HAT1: variants seen among roughly 807,000 people sequenced by gnomAD.
HAT1 encodes histone acetyltransferase 1.
In HAT1, 20 loss-of-function variants were observed where a neutral mutation model predicts 56.6. That is an observed-to-expected ratio of 0.35 (90% CI 0.25 to 0.51). HAT1 has a LOEUF of 0.51. Among genes scored for constraint, HAT1 ranks in the 20% least tolerant of loss-of-function variants. HAT1 has a pLI of 0.95. For synonymous variants in HAT1, 146 were observed against 165.5 expected, an observed-to-expected ratio of 0.88 and a Z score of 0.91; for missense variants, 408 against 504.3, an observed-to-expected ratio of 0.81 and a Z score of 1.83.
At chr2:171,958,237 T>G (rs1687492441) in intron 4 of HAT1, among the ~76,000 whole-genome samples, 1 of 152,144 alleles carries the variant, frequency 6.6e-6, no homozygotes, top group Non-Finnish European at 1.5e-5. Flanking sequence ...GCATAATATA[T>G]AATAATATCC....
rs1254649586 is a variant in HAT1, at chr2:171,966,885, T to C, written c.759T>C (p.Gly253=). 1.9e-5 allele frequency: 31 copies of C among 1,595,658 alleles called. 1 individual carries two copies. In the Admixed American group the frequency reaches 5.0e-4, roughly 26 times the overall value. ...CTCCATTTCAAGGTCAAGGCCATGG[T>C]GCTCAACTTCTTGAAACAGTTCATA... The part of the protein sequence containing the change: ...ILTPFQGQGH[G]AQLLETVHRY... The change falls in exon 8 of 11, where the codon GGT becomes GGC. Residue 253 remains glycine (G), a synonymous_variant. Coordinates refer to ENST00000264108, the MANE Select transcript of HAT1 (RefSeq NM_003642.4).
At chr2:171,972,341 C>T (rs926730886) in intron 8 of HAT1, among the ~76,000 whole-genome samples, 8 of 150,526 alleles carry the variant, frequency 5.3e-5, no homozygotes, top group South Asian at 2.1e-4. Flanking sequence ...TAGCTTATTG[C>T]GCCTTGAACT....
chr2:171,957,045 G>C (rs1687464147), intron 4 of HAT1, among the ~76,000 whole-genome samples: 1 of 152,130 alleles, frequency 6.6e-6, no homozygotes, highest in African/African-American at 2.4e-5. Context: ...GGACCCTCTT[G>C]TCTAATGGTA....
Position 171,983,175 on chromosome 2 carries a change from T to C in HAT1, c.1093-10T>C. The C allele has an allele frequency of 6.7e-7, 1 of 1,503,086 alleles. No homozygotes were observed. Among genetic ancestry groups the C allele is most frequent in the Non-Finnish European group, 9.0e-7 (1 of 1,112,038 alleles). The allele number at this position is 1,503,086 out of a possible 1,614,324, so 93.1% of individuals were successfully genotyped here. ...TTTCTTCGTCTAACAAATAATTGTT[T>C]GTCACTTAGAAAAAGCAGAGAGATC... On this transcript the variant is annotated splice_polypyrimidine_tract_variant and intron_variant, in intron 10 of 10. Coordinates refer to ENST00000264108, the MANE Select transcript of HAT1 (RefSeq NM_003642.4).
At chr2:171,923,267 A>G (rs999868957) in intron 1 of HAT1, 2 of 152,064 alleles carry the variant, frequency 1.3e-5, no homozygotes, top group African/African-American at 2.4e-5. Flanking sequence ...TTTTGAAGTT[A>G]TGGACAGTTT....
chr2:171,959,443 C>G (rs555482707), intron 4 of HAT1, among the ~76,000 whole-genome samples: 1 of 152,158 alleles, frequency 6.6e-6, no homozygotes, highest in South Asian at 2.1e-4. Context: ...GTGAAAATAG[C>G]TGTGTATTTG....
rs1558980387 is a variant in HAT1, at chr2:171,976,144, T to A, written c.824-13T>A. On this transcript the variant is annotated splice_polypyrimidine_tract_variant and intron_variant, in intron 8 of 10. Coordinates refer to ENST00000264108, the MANE Select transcript of HAT1 (RefSeq NM_003642.4). The stretch of plus-strand genomic sequence containing the variant: ...CAGGGAAATGTTAATATTATTCTGC[T>A]TTATTTATTTAGCGGAAGATCCATC... 7.0e-7 allele frequency: 1 copy of A among 1,426,400 alleles called. No individual in the cohort carries two copies. The allele number at this position is 1,426,400 out of a possible 1,614,324, so 88.4% of individuals were successfully genotyped here.
chr2:171,923,006 G>C (rs1218677858), intron 1 of HAT1: 3 of 155,900 alleles, frequency 1.9e-5, no homozygotes, highest in African/African-American at 7.2e-5. Flanking sequence ...CTTGGATCTC[G>C]ACTGACTTCG....
intron 4 of HAT1, among the ~76,000 whole-genome samples, chr2:171,956,658 G>A (rs996056472): frequency 2.0e-5 from 3 of 152,230 alleles, no homozygotes; most frequent in African/African-American, 4.8e-5. Context: ...CTGCAGTTCT[G>A]TGGAAAGGAG....
At position 171,966,694 on chromosome 2, in the gene HAT1, G is replaced by A. The variant is rs1482705244; in HGVS notation, c.717-149G>A. The A allele has an allele frequency of 6.4e-6, 4 of 622,344 alleles. No homozygotes were observed. The Admixed American group carries it at 8.9e-5, about 14-fold the overall frequency. 38.6% of individuals were successfully genotyped at this position (622,344 alleles called of 1,614,324 possible). On this transcript the variant is annotated intron_variant, in intron 7 of 10. Coordinates refer to ENST00000264108, the MANE Select transcript of HAT1 (RefSeq NM_003642.4). Reference sequence around the variant, plus strand: ...CAGTGTAGAAGATTAAACTAATTTTGAGTATCTTGATAATTTTTGGGTATC... The same window carrying A: ...CAGTGTAGAAGATTAAACTAATTTTAAGTATCTTGATAATTTTTGGGTATC...
At chr2:171,979,487 G>C in intron 10 of HAT1, 124 bp downstream of exon 10, 1 of 617,942 alleles carries the variant, frequency 1.6e-6, no homozygotes, top group East Asian at 2.9e-5. Flanking sequence ...TACAAAAGTA[G>C]AAATATTCTT....
At chr2:171,979,521 C>T (rs1688079965) in intron 10 of HAT1, 158 bp downstream of exon 10, 1 of 542,586 alleles carries the variant, frequency 1.8e-6, no homozygotes, top group South Asian at 2.2e-5. Flanking sequence ...AAAATTCTCA[C>T]TCATGGCCGG....
chr2:171,929,607 A>C (rs954326602), intron 2 of HAT1, among the ~76,000 whole-genome samples: 1 of 152,208 alleles, frequency 6.6e-6, no homozygotes, highest in Non-Finnish European at 1.5e-5. Context: ...TAGCTTATTA[A>C]AATTATGTCC....
At chr2:171,951,176 T>C (rs1259114974) in intron 3 of HAT1, among the ~76,000 whole-genome samples, 1 of 152,236 alleles carries the variant, frequency 6.6e-6, no homozygotes, top group Non-Finnish European at 1.5e-5. Flanking sequence ...TTTTTCATTA[T>C]TGATGTATCA....
chr2:171,924,350 CCA>C (rs1307508965), intron 1 of HAT1: 1 of 152,098 alleles, frequency 6.6e-6, no homozygotes, highest in East Asian at 1.9e-4. Flanking sequence ...TCACGCGCCA[CCA>C]CGTCCAGCTA....
chr2:171,950,185 T>C (rs1177982119), intron 3 of HAT1, among the ~76,000 whole-genome samples: 2 of 152,170 alleles, frequency 1.3e-5, no homozygotes, highest in Non-Finnish European at 2.9e-5. Context: ...TGTTTGTTTT[T>C]TGAGACGGAG....
intron 2 of HAT1, among the ~76,000 whole-genome samples, chr2:171,942,410 A>G (rs1687040648): frequency 6.6e-6 from 1 of 152,020 alleles, no homozygotes; most frequent in African/African-American, 2.4e-5. Context: ...TTTTTTTATT[A>G]TGTATTCATT....
At chr2:171,967,008 T>A in intron 8 of HAT1, 59 bp downstream of exon 8, 1 of 764,966 alleles carries the variant, frequency 1.3e-6, no homozygotes, top group South Asian at 1.6e-5. Context: ...TCTTACTGAT[T>A]GATTTTATTT....
chr2:171,928,498 A>T (rs1255303636), intron 2 of HAT1, among the ~76,000 whole-genome samples: 1 of 152,070 alleles, frequency 6.6e-6, no homozygotes, highest in African/African-American at 2.4e-5. Context: ...CCAGTAGTTC[A>T]TTCCCCATTT....
Sources: gnomAD v4.1 joint callset for allele counts (sites outside exome capture counted in the v4.1 genomes callset) on GRCh38, gnomAD v4.1.1 for gene constraint, MANE v1.5 for transcripts, NCBI Gene and HGNC (gene_info 2026-07-23, HGNC 2026-07-21) for gene names.